Variants in ZNF320 observed in about 807,000 individuals in gnomAD.
The protein encoded by ZNF320 is zinc finger protein 320, also known as zinc finger gene 320.
In ZNF320, 2 loss-of-function variants were observed where a neutral mutation model predicts 6.8. The ratio of observed to expected loss-of-function variants is 0.29; its 90% CI spans 0.12 to 0.93. The LOEUF is 0.93. ZNF320 is among the 40% of genes least tolerant of loss of function. The pLI, the probability that ZNF320 is intolerant of heterozygous loss-of-function variation, is 0.55. For missense variants in ZNF320, 472 were observed against 611.0 expected (o/e 0.77, Z 2.40); for synonymous variants, 208 against 203.2 (o/e 1.02, Z -0.20).
At chr19:52,899,817 C>T (rs2870127), upstream of ZNF320, among the ~76,000 whole-genome samples, 27,112 of 152,052 alleles carry the variant, frequency 0.18, 3,138 homozygotes, top group Non-Finnish European at 0.24. Context: ...AAGGCTTGAC[C>T]GGTTTTATTA....
intron 5 of ZNF320, among the ~76,000 whole-genome samples, chr19:52,887,698 C>T (rs563828838): frequency 1.1e-4 from 16 of 152,246 alleles, no homozygotes; most frequent in Middle Eastern, 3.4e-3. Context: ...GCAATTCTCT[C>T]TCCTCAGCCT....
Position 52,881,809 on chromosome 19 carries a change from G to C in ZNF320, c.317C>G (p.Thr106Arg). ...TGTCATGGGTGCTTCATGGTCATTT[G>C]TTTCATCTTCTTGCCACTGAAACAC... is the stretch of plus-strand genomic sequence containing the variant. ...DFVFQWQEDE[T>R]NDHEAPMTEI... is the part of the protein sequence containing the mutation. The change falls in exon 6 of 6, where the codon ACA becomes AGA. Residue 106 changes from threonine to arginine, a missense_variant. Thr to Arg is a moderately conservative substitution (Grantham distance 71). Around this residue, in one of 2 missense-constraint regions of ZNF320, gnomAD observed 462 missense variants for 559.7 expected, o/e 0.83. Coordinates refer to ENST00000682928, the MANE Select transcript of ZNF320 (RefSeq NM_001351774.2). 1 of 1,613,744 alleles carries C rather than the reference G, an allele frequency of 6.2e-7. No homozygotes were observed. The highest frequency in any genetic ancestry group is 1.7e-5 in the Admixed American group (1 of 59,956).
chr19:52,897,257 C>T (rs1264188997), intron 1 of ZNF320, among the ~76,000 whole-genome samples: 1 of 152,254 alleles, frequency 6.6e-6, no homozygotes, highest in African/African-American at 2.4e-5. Context: ...TAGGACCAGG[C>T]AGAGGACGCG....
chr19:52,886,102 AAGT>A (rs34597244), intron 5 of ZNF320, among the ~76,000 whole-genome samples: 23,676 of 151,966 alleles, frequency 0.16, 1,933 homozygotes, highest in East Asian at 0.27. Context: ...ACTGGAGAAG[AAGT>A]AGTTTTTGTA....
chr19:52,874,635 T>C (rs996805761), downstream of ZNF320, among the ~76,000 whole-genome samples: 2 of 152,088 alleles, frequency 1.3e-5, no homozygotes, highest in Non-Finnish European at 2.9e-5. Context: ...TGCTCTCCAC[T>C]TGGGGACTTT....
At chr19:52,865,837 GA>G (rs2063550170) in intron 5 of ZNF320, among the ~76,000 whole-genome samples, 1 of 80,008 alleles carries the variant, frequency 1.2e-5, no homozygotes, top group Non-Finnish European at 2.2e-5. Context: ...ATTTATATAT[GA>G]TTATACACAT....
At chr19:52,871,095 T>A (rs913735967) in intron 5 of ZNF320, among the ~76,000 whole-genome samples, 1 of 152,160 alleles carries the variant, frequency 6.6e-6, no homozygotes, top group East Asian at 1.9e-4. Flanking sequence ...TGCAGTCAGC[T>A]GACAGCCTGT....
At chr19:52,874,752 G>C (rs140606032), downstream of ZNF320, among the ~76,000 whole-genome samples, 692 of 152,264 alleles carry the variant, frequency 4.5e-3, 5 homozygotes, top group Non-Finnish European at 7.7e-3. Flanking sequence ...TCATATGGGG[G>C]CTGTGGGTGA....
At chr19:52,900,323 G>A (rs539770556), upstream of ZNF320, among the ~76,000 whole-genome samples, 5 of 152,302 alleles carry the variant, frequency 3.3e-5, no homozygotes, top group African/African-American at 1.2e-4. Context: ...AGGATGATGA[G>A]TGAATTTTTT....
At chr19:52,897,358 G>A (rs767720092) in intron 1 of ZNF320, among the ~76,000 whole-genome samples, 162 bp downstream of exon 1, 5 of 152,198 alleles carry the variant, frequency 3.3e-5, no homozygotes, top group Non-Finnish European at 7.3e-5. Flanking sequence ...CAGCTCGCGG[G>A]TGAGGACTTG....
the ZNF320 span, among the ~76,000 whole-genome samples, chr19:52,904,251 C>T: frequency 1.3e-5 from 2 of 152,220 alleles, no homozygotes; most frequent in South Asian, 2.1e-4. Flanking sequence ...CTCTTTGGAT[C>T]GTGTCACTCA....
intron 5 of ZNF320, chr19:52,865,434 T>TTATATATATATATATATATATA (rs1555814106): frequency 6.5e-6 from 1 of 152,782 alleles, no homozygotes; most frequent in African/African-American, 3.2e-5. Context: ...GGTCCAGGCT[T>TTATATATATATATATATATATA]TATATATATA....
chr19:52,889,993 G>A (rs1446849870), intron 4 of ZNF320, among the ~76,000 whole-genome samples: 4 of 151,926 alleles, frequency 2.6e-5, no homozygotes, highest in Non-Finnish European at 4.4e-5. Context: ...CCCTCACCCC[G>A]TCTCCATCCA....
exon 6 of ZNF320, chr19:52,862,630 T>C (rs902615249): frequency 1.9e-5 from 10 of 538,580 alleles, no homozygotes; most frequent in African/African-American, 1.8e-4. Flanking sequence ...GAATAGGCGA[T>C]GCCCTCACCC....
chr19:52,864,322 G>A (rs1255452668), intron 5 of ZNF320, among the ~76,000 whole-genome samples: 1 of 152,028 alleles, frequency 6.6e-6, no homozygotes, highest in East Asian at 1.9e-4. Flanking sequence ...GCATTTTATT[G>A]TACTTTTCCA....
At chr19:52,902,061 C>G (rs528544947), upstream of ZNF320, among the ~76,000 whole-genome samples, 1 of 151,814 alleles carries the variant, frequency 6.6e-6, no homozygotes, top group East Asian at 1.9e-4. Context: ...AAGTGCCACT[C>G]TAGTTATTCG....
At chr19:52,889,522 A>C (rs2064217740) in intron 4 of ZNF320, among the ~76,000 whole-genome samples, 1 of 152,092 alleles carries the variant, frequency 6.6e-6, no homozygotes, top group African/African-American at 2.4e-5. Context: ...AAAAAGAAGT[A>C]CCGCTGCCAT....
intron 2 of ZNF320, among the ~76,000 whole-genome samples, chr19:52,892,868 A>C: frequency 2.0e-5 from 3 of 150,062 alleles, no homozygotes; most frequent in Non-Finnish European, 3.0e-5. Flanking sequence ...CTGGCTCCAA[A>C]TCCCTCCTCC....
intron 2 of ZNF320, chr19:52,892,068 C>T (rs2064311118): frequency 1.3e-5 from 2 of 152,182 alleles, no homozygotes; most frequent in African/African-American, 4.8e-5. Context: ...CAGCTACTGA[C>T]CTTGAAAACA....
Sources: gnomAD v4.1 joint callset for allele counts (sites outside exome capture counted in the v4.1 genomes callset) on GRCh38, gnomAD v4.1.1 for gene constraint, gnomAD v4.1.1 regional missense constraint, MANE v1.5 for transcripts, NCBI Gene and HGNC (gene_info 2026-07-23, HGNC 2026-07-21) for gene names.